The following PADI2 variants were observed in gnomAD, a reference collection of about 807,000 sequenced individuals.
The protein encoded by PADI2 is peptidyl arginine deiminase 2.
A neutral mutation model predicts 81.1 loss-of-function variants in PADI2; 70 were observed. That is an observed-to-expected ratio of 0.86 (90% CI 0.71 to 1.05). The LOEUF (loss-of-function observed/expected upper bound fraction) is 1.05, where lower values mean the gene tolerates loss of function less well. Among genes scored for constraint, PADI2 ranks in the 50% least tolerant of loss-of-function variants. The pLI is 0.00. For missense variants in PADI2, 853 were observed against 889.9 expected (o/e 0.96, Z 0.53); for synonymous variants, 338 against 358.0 (o/e 0.94, Z 0.63).
At position 17,082,753 on chromosome 1, in the gene PADI2, G is replaced by A. The variant is rs1413778568; in HGVS notation, c.1051-101C>T. 1.4e-5 allele frequency: 10 copies of A among 694,998 alleles called. 1 individual carries two copies. The highest frequency in any genetic ancestry group is 2.5e-5 in the Non-Finnish European group (10 of 400,816). 43.1% of individuals were successfully genotyped at this position (694,998 alleles called of 1,614,324 possible). On this transcript the variant is annotated intron_variant, in intron 9 of 15. Transcript: ENST00000375486. ...CACAAGAGCACAAAGGAAGAAGAAC[G>A]TCTGTCTTGTTCCCCATTCCCTGGT...
intron 13 of PADI2, among the ~76,000 whole-genome samples, chr1:17,073,475 T>C (rs1209564494): frequency 6.6e-6 from 1 of 151,592 alleles, no homozygotes; most frequent in African/African-American, 2.4e-5. Context: ...GTCAGCATTG[T>C]AGATGTATTT....
In PADI2 at chr1:17,092,487, G is replaced by T. The variant is rs1930737329; in HGVS notation, c.576C>A (p.Asp192Glu). 3.7e-6 allele frequency: 6 copies of T among 1,604,814 alleles called. No homozygotes were observed. Among genetic ancestry groups the T allele is most frequent in the Non-Finnish European group, 5.1e-6 (6 of 1,176,276 alleles). The change falls in exon 6 of 16, where the codon GAC becomes GAA. Residue 192 changes from aspartate (D) to glutamate (E), a missense_variant. Physicochemically the swap from Asp to Glu is conservative, Grantham distance 45. Transcript: ENST00000375486. ...CTATCTCGTATCCGGCGGGGAGGCG[G>T]TCGGGGCCTTTGGTCCGCAGGATCA... ...SQMILRTKGP[D>E]RLPAGYEIVL... is the part of the protein sequence containing the mutation.
intron 1 of PADI2, among the ~76,000 whole-genome samples, chr1:17,107,267 G>C (rs1931412789): frequency 6.6e-6 from 1 of 152,192 alleles, no homozygotes; most frequent in South Asian, 2.1e-4. Flanking sequence ...AGAATCATCA[G>C]GGGTGCTGTT....
At position 17,084,849 on chromosome 1, in the gene PADI2, T is replaced by A. The variant is rs2078373840; in HGVS notation, c.835-147A>T. 4 of 583,158 alleles carry A rather than the reference T, an allele frequency of 6.9e-6. No homozygotes were observed. The Admixed American group carries it at 9.4e-5, about 14-fold the overall frequency. The allele number at this position is 583,158 out of a possible 1,614,324, so 36.1% of individuals were successfully genotyped here. A position where few individuals can be genotyped will look rare whatever the true frequency, so the allele number is the denominator to read the frequency against. Reference sequence around the variant, plus strand: ...CAAGCCTGTGCTAAGTACTTTCACATGTGCCAATTCTTTTCTGCCTTCCGA... The same window carrying A: ...CAAGCCTGTGCTAAGTACTTTCACAAGTGCCAATTCTTTTCTGCCTTCCGA... On this transcript the variant is annotated intron_variant, in intron 7 of 15. Transcript: ENST00000375486.
intron 10 of PADI2, among the ~76,000 whole-genome samples, chr1:17,081,538 C>A (rs1363490186): frequency 6.6e-6 from 1 of 152,210 alleles, no homozygotes; most frequent in Non-Finnish European, 1.5e-5. Flanking sequence ...CAGGTGTGAA[C>A]CTGGCACAGG....
intron 1 of PADI2, among the ~76,000 whole-genome samples, chr1:17,118,691 G>C (rs1034870665): frequency 1.3e-5 from 2 of 152,214 alleles, no homozygotes; most frequent in Non-Finnish European, 2.9e-5. Flanking sequence ...TCAGGGGAAG[G>C]TATCTGGGGA....
chr1:17,080,039 C>G (rs758854058), intron 10 of PADI2, among the ~76,000 whole-genome samples: 4 of 152,202 alleles, frequency 2.6e-5, no homozygotes, highest in Admixed American at 2.0e-4. Context: ...GATCCACCCA[C>G]CTTGGCCTCC....
At chr1:17,105,176 T>C (rs1442187447) in intron 1 of PADI2, 115 bp from the exon 2 acceptor site, 1 of 673,706 alleles carries the variant, frequency 1.5e-6, no homozygotes, top group Non-Finnish European at 2.3e-6. Flanking sequence ...GAGAATCACT[T>C]GAGCCCAGGC....
At chr1:17,102,637 C>T (rs1175031945) in intron 3 of PADI2, among the ~76,000 whole-genome samples, 1 of 152,108 alleles carries the variant, frequency 6.6e-6, no homozygotes, top group Non-Finnish European at 1.5e-5. Context: ...GTGGCCATTC[C>T]CCTCACCATG....
intron 3 of PADI2, among the ~76,000 whole-genome samples, chr1:17,097,434 T>C (rs1373314379): frequency 2.0e-5 from 3 of 152,178 alleles, no homozygotes; most frequent in African/African-American, 7.2e-5. Context: ...AGAGAGGCAG[T>C]CTTGTGTGTC....
chr1:17,076,882 T>C (rs1456077731), intron 11 of PADI2, among the ~76,000 whole-genome samples: 1 of 152,168 alleles, frequency 6.6e-6, no homozygotes, highest in Non-Finnish European at 1.5e-5. Flanking sequence ...CGGCCAGCCC[T>C]TCCTCATTTC....
At chr1:17,080,282 C>T (rs771917935) in intron 10 of PADI2, among the ~76,000 whole-genome samples, 27 of 152,184 alleles carry the variant, frequency 1.8e-4, no homozygotes, top group African/African-American at 5.8e-4. Context: ...GACTTGGTCA[C>T]GTGACTTGCT....
At chr1:17,072,097 A>C (rs1173730011) in intron 13 of PADI2, among the ~76,000 whole-genome samples, 1 of 152,236 alleles carries the variant, frequency 6.6e-6, no homozygotes, top group African/African-American at 2.4e-5. Context: ...ACCCTGAAAA[A>C]TGAGGAAACT....
At chr1:17,114,302 A>T (rs1221895705) in intron 1 of PADI2, among the ~76,000 whole-genome samples, 1 of 152,212 alleles carries the variant, frequency 6.6e-6, no homozygotes, top group East Asian at 1.9e-4. Flanking sequence ...TCATTCATTC[A>T]TTCATTCAGG....
chr1:17,075,920 G>A, intron 11 of PADI2, 97 bp from the exon 12 acceptor site: 2 of 1,209,154 alleles, frequency 1.7e-6, no homozygotes, highest in East Asian at 4.7e-5. Flanking sequence ...CGGACCCAGA[G>A]TGACATCAGC....
rs1931729664 is a variant in PADI2, at chr1:17,115,624, C to CCA, written c.92+3654_92+3655dup. On this transcript the variant is annotated intron_variant, in intron 1 of 15. Coordinates refer to ENST00000375486, the MANE Select transcript of PADI2 (RefSeq NM_007365.3). This position sits in a 1 kb window ranked among gnomAD's most constrained non-coding sequence, Gnocchi z 4.1. ...TCCAGGGCTCACAAGAGGTGGGTGG[C>CCA]CAGGATGGAACCAACCTAGGGACTC... is the stretch of plus-strand genomic sequence containing the variant. Among the ~76,000 whole-genome samples the CCA allele has an allele frequency of 6.6e-6, 1 of 152,176 alleles. No individual in the cohort carries two copies. The highest frequency in any genetic ancestry group is 2.4e-5 in the African/African-American group (1 of 41,446).
chr1:17,119,258 G>GCATCA lies in PADI2; in HGVS notation c.92+17_92+21dup. The GCATCA allele has an allele frequency of 6.8e-7, 1 of 1,471,948 alleles. No individual in the cohort carries two copies. The highest frequency in any genetic ancestry group is 9.2e-7 in the Non-Finnish European group (1 of 1,092,524). 91.2% of individuals were successfully genotyped at this position (1,471,948 alleles called of 1,614,324 possible). ...TTCTGGGCTCGAGATCTCGGCCCGGGCATCACGGTGGGCCGGCTCACCTGT... is the reference window on the plus strand; with the variant it reads ...TTCTGGGCTCGAGATCTCGGCCCGGGCATCACATCACGGTGGGCCGGCTCACCTGT... On this transcript the variant is annotated intron_variant, in intron 1 of 15. Coordinates refer to ENST00000375486, the MANE Select transcript of PADI2 (RefSeq NM_007365.3). This position sits in a 1 kb window ranked among gnomAD's most constrained non-coding sequence, Gnocchi z 4.8.
intron 1 of PADI2, among the ~76,000 whole-genome samples, chr1:17,109,280 CG>C (rs1420939607): frequency 6.7e-6 from 1 of 148,378 alleles, no homozygotes; most frequent in African/African-American, 2.5e-5. Flanking sequence ...CCCAGCTACT[CG>C]GGAGGCTGAG....
chr1:17,087,488 G>A (rs1326578091), intron 6 of PADI2, among the ~76,000 whole-genome samples: 15 of 137,178 alleles, frequency 1.1e-4, no homozygotes, highest in African/African-American at 1.9e-4. Flanking sequence ...ATGTTTGTTT[G>A]TTTGTTTATT....
Sources: gnomAD v4.1 joint callset for allele counts (sites outside exome capture counted in the v4.1 genomes callset) on GRCh38, gnomAD v4.1.1 for gene constraint, Gnocchi (gnomAD v3.1) non-coding constraint, MANE v1.5 for transcripts, NCBI Gene and HGNC (gene_info 2026-07-23, HGNC 2026-07-21) for gene names.